PCMT1: variants seen among roughly 807,000 people sequenced by gnomAD.
PCMT1 encodes protein-L-isoaspartate (D-aspartate) O-methyltransferase.
PCMT1 carries 9 observed loss-of-function variants against 29.2 expected under a neutral mutation model. The ratio of observed to expected loss-of-function variants is 0.31; its 90% CI spans 0.19 to 0.54. The LOEUF (loss-of-function observed/expected upper bound fraction) is 0.54, where lower values mean the gene tolerates loss of function less well. Among genes scored for constraint, PCMT1 ranks in the 20% least tolerant of loss-of-function variants. The pLI, the probability that PCMT1 is intolerant of heterozygous loss-of-function variation, is 0.95. For synonymous variants in PCMT1, 98 were observed against 97.5 expected, an observed-to-expected ratio of 1.00 and a Z score of -0.03; for missense variants, 184 against 282.2, an observed-to-expected ratio of 0.65 and a Z score of 2.49.
chr6:149,797,287 C>G (rs1313006232), intron 6 of PCMT1: 1 of 152,002 alleles, frequency 6.6e-6, no homozygotes, highest in Non-Finnish European at 1.5e-5. Context: ...CACAGGATAT[C>G]TATTGGAAGG....
intron 1 of PCMT1, among the ~76,000 whole-genome samples, chr6:149,766,308 C>T (rs1787082498): frequency 6.6e-6 from 1 of 152,130 alleles, no homozygotes. Flanking sequence ...TCTCTGAGTT[C>T]CTGCATATTC....
chr6:149,804,738 G>T (rs1256874278), intron 7 of PCMT1, among the ~76,000 whole-genome samples: 1 of 152,034 alleles, frequency 6.6e-6, no homozygotes, highest in Non-Finnish European at 1.5e-5. Flanking sequence ...CTGACCTCAG[G>T]TGATCTGCCC....
rs539528388 is a variant in PCMT1 at position 149,765,510 on chromosome 6, A to G, written c.56-5652A>G. On this transcript the variant is annotated intron_variant, in intron 1 of 7. Coordinates refer to ENST00000464889, the MANE Select transcript of PCMT1 (RefSeq NM_001360452.2). ...TTATATTTTAAAATGGAAAGACCATATAAGTTTGTCTTTGCTAGTTTATTA... is the reference window on the plus strand; with the variant it reads ...TTATATTTTAAAATGGAAAGACCATGTAAGTTTGTCTTTGCTAGTTTATTA... Among the ~76,000 whole-genome samples, 5 of 152,096 alleles carry G rather than the reference A, an allele frequency of 3.3e-5. No homozygotes were observed. The East Asian group carries it at 7.7e-4, about 23-fold the overall frequency.
In PCMT1 at chr6:149,782,073, T is replaced by A. The variant is rs534236143; in HGVS notation, c.193-7881T>A. ...TTATGTCAGAATTTTCTCCCAAAGCTGATGCATTTTTAATTACTTATATTT... is the reference window on the plus strand; with the variant it reads ...TTATGTCAGAATTTTCTCCCAAAGCAGATGCATTTTTAATTACTTATATTT... On this transcript the variant is annotated intron_variant, in intron 3 of 7. Transcript: ENST00000464889. Among the ~76,000 whole-genome samples, 31 of 152,330 alleles carry A rather than the reference T, an allele frequency of 2.0e-4. 1 individual carries two copies. The South Asian group carries it at 6.0e-3, about 30-fold the overall frequency.
intron 1 of PCMT1, among the ~76,000 whole-genome samples, chr6:149,752,610 C>T (rs1440019674): frequency 6.6e-6 from 1 of 152,208 alleles, no homozygotes; most frequent in East Asian, 1.9e-4. Flanking sequence ...TTTGGGTTCT[C>T]ATGGATGGCA....
intron 1 of PCMT1, chr6:149,765,642 T>C (rs1787047843): frequency 5.3e-6 from 2 of 374,582 alleles, no homozygotes; most frequent in Non-Finnish European, 1.0e-5. Flanking sequence ...TGTCGTTAAT[T>C]GACCTTATTT....
intron 3 of PCMT1, among the ~76,000 whole-genome samples, chr6:149,776,033 C>T (rs1787550750): frequency 6.6e-6 from 1 of 151,948 alleles, no homozygotes; most frequent in Admixed American, 6.6e-5. Context: ...GTGGCGCATG[C>T]CTGTAATCCC....
At chr6:149,802,088 C>G (rs1775843671) in intron 6 of PCMT1, 112 bp from the exon 7 acceptor site, 1 of 654,480 alleles carries the variant, frequency 1.5e-6, no homozygotes, top group African/African-American at 1.8e-5. Context: ...GAGATCGTGT[C>G]ATTGCACTCC....
In PCMT1 at chr6:149,769,308, C is replaced by CTT. The variant is rs372773939; in HGVS notation, c.56-1831_56-1830dup. ...AGTTAGCACCTATTTGTGCAGGATT[C>CTT]TTTTTTTTTTTTTTTTTTTTTTTTG... On this transcript the variant is annotated intron_variant, in intron 1 of 7. Transcript: ENST00000464889. 7.9e-3 allele frequency among the ~76,000 whole-genome samples: 565 copies of CTT among 71,464 alleles called. 95 individuals are homozygous for CTT. The highest frequency in any genetic ancestry group is 0.033 in the African/African-American group (386 of 11,654). 46.9% of individuals were successfully genotyped at this position (71,464 alleles called of 152,430 possible).
chr6:149,773,051 A>T, intron 2 of PCMT1, 87 bp from the exon 3 acceptor site: 1 of 1,045,866 alleles, frequency 9.6e-7, no homozygotes, highest in Non-Finnish European at 1.4e-6. Flanking sequence ...ATTGTGAAAA[A>T]TAACGTATGG....
At position 149,763,132 on chromosome 6, in the gene PCMT1, A is replaced by C. The variant is rs1367285002; in HGVS notation, c.56-8030A>C. On this transcript the variant is annotated intron_variant, in intron 1 of 7. Transcript: ENST00000464889. ...TCTATGATATGTATATCTATGATAT[A>C]TATGATATATATATCTATGATATAT... is the stretch of plus-strand genomic sequence containing the variant. 1.6e-3 allele frequency among the ~76,000 whole-genome samples: 96 copies of C among 59,860 alleles called. 23 individuals are homozygous for C. The highest frequency in any genetic ancestry group is 2.4e-3 in the Admixed American group (9 of 3,806). 39.3% of individuals were successfully genotyped at this position (59,860 alleles called of 152,430 possible).
intron 2 of PCMT1, among the ~76,000 whole-genome samples, chr6:149,771,662 G>A (rs1787329824): frequency 6.6e-6 from 1 of 152,052 alleles, no homozygotes; most frequent in Non-Finnish European, 1.5e-5. Context: ...GATTACAGGT[G>A]CATGCCACCA....
intron 1 of PCMT1, among the ~76,000 whole-genome samples, chr6:149,770,843 C>CA (rs1353446608): frequency 6.7e-5 from 8 of 119,524 alleles, no homozygotes; most frequent in Non-Finnish European, 9.6e-5. Flanking sequence ...TTCTAAAATA[C>CA]AAAAAATTAG....
chr6:149,777,262 A>G (rs1252546365), intron 3 of PCMT1, among the ~76,000 whole-genome samples: 10 of 152,260 alleles, frequency 6.6e-5, no homozygotes. Context: ...TCTGTTTTAT[A>G]ATAAAATGGT....
chr6:149,756,512 C>CTTTTTTTTTTT (rs61038108), intron 1 of PCMT1, among the ~76,000 whole-genome samples: 5 of 74,722 alleles, frequency 6.7e-5, no homozygotes, highest in Non-Finnish European at 1.1e-4. Flanking sequence ...CCATGACTGG[C>CTTTTTTTTTTT]TTTTTTTTTT....
rs1390772605 is a variant in PCMT1, at chr6:149,763,178, ATATC to A, written c.56-7980_56-7977del. Reference sequence around the variant, plus strand: ...TATATATCTATGATATCTATGATATATATCTATGATATCTATGATATATATATCT... The same window carrying A: ...TATATATCTATGATATCTATGATATATATGATATCTATGATATATATATCT... On this transcript the variant is annotated intron_variant, in intron 1 of 7. Transcript: ENST00000464889. Among the ~76,000 whole-genome samples, 50 of 82,722 alleles carry A rather than the reference ATATC, an allele frequency of 6.0e-4. 9 individuals carry two copies. The highest frequency in any genetic ancestry group is 8.4e-4 in the Non-Finnish European group (45 of 53,426). 54.3% of individuals were successfully genotyped at this position (82,722 alleles called of 152,430 possible).
intron 7 of PCMT1, among the ~76,000 whole-genome samples, chr6:149,809,774 A>G (rs1776113165): frequency 6.6e-6 from 1 of 151,972 alleles, no homozygotes; most frequent in African/African-American, 2.4e-5. Flanking sequence ...TCATTTTTCT[A>G]CATTTCTTTC....
chr6:149,782,870 A>G (rs1381005699), intron 3 of PCMT1, among the ~76,000 whole-genome samples: 1 of 152,160 alleles, frequency 6.6e-6, no homozygotes, highest in Non-Finnish European at 1.5e-5. Flanking sequence ...AAAAATCAGT[A>G]TTTTGGCTGG....
intron 3 of PCMT1, among the ~76,000 whole-genome samples, chr6:149,773,499 C>T (rs1048562456): frequency 6.6e-6 from 1 of 152,184 alleles, no homozygotes; most frequent in Non-Finnish European, 1.5e-5. Context: ...CTGCCTCAGC[C>T]TCCCCAGGAG....
Sources: gnomAD v4.1 joint callset for allele counts (sites outside exome capture counted in the v4.1 genomes callset) on GRCh38, gnomAD v4.1.1 for gene constraint, MANE v1.5 for transcripts, NCBI Gene and HGNC (gene_info 2026-07-23, HGNC 2026-07-21) for gene names.